Variants in PRKAG2 observed in about 807,000 individuals in gnomAD.
The protein encoded by PRKAG2 is 5'-AMP-activated protein kinase subunit gamma-2.
PRKAG2 carries 26 observed loss-of-function variants against 69.6 expected under a neutral mutation model. That is an observed-to-expected ratio of 0.37 (90% confidence interval 0.27 to 0.52). PRKAG2 has a LOEUF of 0.52. Among genes scored for constraint, PRKAG2 ranks in the 20% least tolerant of loss-of-function variants. The probability of loss-of-function intolerance (pLI) is 0.90; values close to 1 mark genes in which losing one functional copy is unlikely to be tolerated. For missense variants in PRKAG2, 557 were observed against 740.0 expected (o/e 0.75, Z 2.87); for synonymous variants, 293 against 285.0 (o/e 1.03, Z -0.28).
chr7:151,809,230 A>C (rs2078289358), intron 1 of PRKAG2: 1 of 456,540 alleles, frequency 2.2e-6, no homozygotes, highest in East Asian at 7.0e-5. Flanking sequence ...GAATCTGAGC[A>C]ATTCTGCTTT....
At chr7:151,816,339 T>C (rs1175349180) in intron 1 of PRKAG2, among the ~76,000 whole-genome samples, 1 of 152,182 alleles carries the variant, frequency 6.6e-6, no homozygotes, top group Non-Finnish European at 1.5e-5. Flanking sequence ...TTTTGTTTTT[T>C]TTTTGTCCGT....
intron 15 of PRKAG2, chr7:151,558,342 C>A (rs1584899754): frequency 2.0e-6 from 2 of 985,436 alleles, no homozygotes; most frequent in East Asian, 2.3e-4. Flanking sequence ...CATGGACAAC[C>A]ACCTAACAGT....
At chr7:151,732,958 G>C (rs866578474) in intron 3 of PRKAG2, among the ~76,000 whole-genome samples, 2 of 152,318 alleles carry the variant, frequency 1.3e-5, no homozygotes, top group South Asian at 4.1e-4. Context: ...CTCCTGAAGT[G>C]CTGGGATTAC....
intron 3 of PRKAG2, among the ~76,000 whole-genome samples, chr7:151,766,872 AT>A (rs1337273063): frequency 1.3e-5 from 2 of 152,204 alleles, no homozygotes; most frequent in Admixed American, 6.5e-5. Context: ...GGCAGGACAT[AT>A]CCATTCCTTG....
rs6970070 is a variant in PRKAG2, at chr7:151,699,152, C to T, written c.467-23515G>A. On this transcript the variant is annotated intron_variant, in intron 3 of 15. Coordinates refer to ENST00000287878, the MANE Select transcript of PRKAG2 (RefSeq NM_016203.4). This position sits in a 1 kb window ranked among gnomAD's most constrained non-coding sequence, Gnocchi z 4.5. ...CCTTTCCTTCTCTGACCTCTGTCCCCATCCCTGCCCCAAGTTGTGTCTCTT... is the reference window on the plus strand; with the variant it reads ...CCTTTCCTTCTCTGACCTCTGTCCCTATCCCTGCCCCAAGTTGTGTCTCTT... 6.7e-3 allele frequency among the ~76,000 whole-genome samples: 1,016 copies of T among 152,342 alleles called. 8 individuals carry two copies. The highest frequency in any genetic ancestry group is 0.023 in the African/African-American group (937 of 41,580).
intron 2 of PRKAG2, among the ~76,000 whole-genome samples, chr7:151,784,334 C>A (rs1334354992): frequency 6.6e-6 from 1 of 152,132 alleles, no homozygotes; most frequent in Non-Finnish European, 1.5e-5. Context: ...GAGGGCCGAG[C>A]CAATGCAAAT....
At chr7:151,722,325 T>C (rs1266602427) in intron 3 of PRKAG2, among the ~76,000 whole-genome samples, 1 of 152,172 alleles carries the variant, frequency 6.6e-6, no homozygotes, top group Non-Finnish European at 1.5e-5. Flanking sequence ...CTGCTTGACA[T>C]GGCACTGCCT....
intron 1 of PRKAG2, among the ~76,000 whole-genome samples, chr7:151,867,412 C>T (rs1481105521): frequency 1.3e-5 from 2 of 152,200 alleles, no homozygotes; most frequent in Non-Finnish European, 2.9e-5. Context: ...CCTCTTCCAC[C>T]CTTCAGCGGC....
chr7:151,560,662 A>G, intron 14 of PRKAG2, 45 bp from the exon 15 acceptor site: 2 of 1,610,834 alleles, frequency 1.2e-6, no homozygotes, highest in Non-Finnish European at 1.7e-6. Context: ...CATTTAAAAA[A>G]GGTTTAAAAT....
intron 5 of PRKAG2, among the ~76,000 whole-genome samples, chr7:151,600,603 G>A (rs891829455): frequency 2.6e-5 from 4 of 152,168 alleles, no homozygotes; most frequent in African/African-American, 4.8e-5. Flanking sequence ...ATAAATTCCA[G>A]ACGTCTCCTG....
At chr7:151,862,420 G>GC (rs1322473910) in intron 1 of PRKAG2, among the ~76,000 whole-genome samples, 2 of 152,156 alleles carry the variant, frequency 1.3e-5, no homozygotes, top group Non-Finnish European at 2.9e-5. Flanking sequence ...TAAAAAACGG[G>GC]TTCACTCAGA....
chr7:151,593,055 A>C (rs1813617458), intron 6 of PRKAG2, among the ~76,000 whole-genome samples: 1 of 152,244 alleles, frequency 6.6e-6, no homozygotes, highest in Non-Finnish European at 1.5e-5. Context: ...TTACTGGATC[A>C]GTCACCTTGG....
intron 3 of PRKAG2, among the ~76,000 whole-genome samples, chr7:151,701,794 G>C (rs879556461): frequency 1.5e-4 from 23 of 148,868 alleles, no homozygotes; most frequent in Non-Finnish European, 2.7e-4. Flanking sequence ...AGTGAGCCGA[G>C]ATTGCGCCAC....
rs1035760848 is a variant in PRKAG2 at position 151,807,067 on chromosome 7, G to A, written c.115-20526C>T. 1 of 430,046 alleles carries A rather than the reference G, an allele frequency of 2.3e-6. No homozygotes were observed. Among genetic ancestry groups the A allele is most frequent in the African/African-American group, 2.1e-5 (1 of 48,508 alleles). 26.6% of individuals were successfully genotyped at this position (430,046 alleles called of 1,614,324 possible). On this transcript the variant is annotated intron_variant, in intron 1 of 15. Transcript: ENST00000287878. The surrounding 1 kb of genome is among the most constrained non-coding windows in gnomAD (Gnocchi z 4.4). Reference sequence around the variant, plus strand: ...ACATGGACCCACCCTCAAGTCTGAAGGTGGAGGTGGGGAAGGGCAGAGGCT... The same window carrying A: ...ACATGGACCCACCCTCAAGTCTGAAAGTGGAGGTGGGGAAGGGCAGAGGCT...
At position 151,575,954 on chromosome 7, in the gene PRKAG2, C is replaced by T. The variant is rs79435546; in HGVS notation, c.946+417G>A. 4.3e-3 allele frequency among the ~76,000 whole-genome samples: 653 copies of T among 150,546 alleles called. 2 individuals carry two copies. Among genetic ancestry groups the T allele is most frequent in the African/African-American group, 0.015 (614 of 41,086 alleles). ...AGTGTTTGGACCTTACTAGCACGTC[C>T]ACCTTCTTACCCAGTATGTAAAAGC... is the stretch of plus-strand genomic sequence containing the variant. On this transcript the variant is annotated intron_variant, in intron 7 of 15. Transcript: ENST00000287878.
At chr7:151,709,677 CAT>C (rs566294960) in intron 3 of PRKAG2, among the ~76,000 whole-genome samples, 10 of 152,170 alleles carry the variant, frequency 6.6e-5, no homozygotes, top group Non-Finnish European at 1.3e-4. Flanking sequence ...ACACATGTGA[CAT>C]TGTGTGACAC....
intron 5 of PRKAG2, among the ~76,000 whole-genome samples, chr7:151,621,536 CAAAAA>C (rs762929409): frequency 3.6e-4 from 54 of 151,588 alleles, no homozygotes; most frequent in Admixed American, 1.8e-3. Flanking sequence ...CAAAACAAAA[CAAAAA>C]ACCAACAAAA....
chr7:151,846,571 G>A (rs952277881), intron 1 of PRKAG2, among the ~76,000 whole-genome samples: 14 of 152,300 alleles, frequency 9.2e-5, no homozygotes, highest in African/African-American at 3.1e-4. Flanking sequence ...ATCCCACAAC[G>A]CCACCTCTGT....
chr7:151,782,441 G>C (rs2076768037), intron 2 of PRKAG2, among the ~76,000 whole-genome samples: 1 of 151,714 alleles, frequency 6.6e-6, no homozygotes, highest in African/African-American at 2.4e-5. Context: ...AAGAAGGAAA[G>C]AAGGAAGTTA....
Sources: gnomAD v4.1 joint callset for allele counts (sites outside exome capture counted in the v4.1 genomes callset) on GRCh38, gnomAD v4.1.1 for gene constraint, Gnocchi (gnomAD v3.1) non-coding constraint, MANE v1.5 for transcripts, NCBI Gene and HGNC (gene_info 2026-07-23, HGNC 2026-07-21) for gene names.